UBR3: variants seen among roughly 807,000 people sequenced by gnomAD.
The protein encoded by UBR3 is E3 ubiquitin-protein ligase UBR3.
A neutral mutation model predicts 243.2 loss-of-function variants in UBR3; 85 were observed. The ratio of observed to expected loss-of-function variants is 0.35; its 90% CI spans 0.29 to 0.42. The LOEUF (loss-of-function observed/expected upper bound fraction) is 0.42. Ranked by LOEUF, UBR3 falls within the 10% of genes least tolerant of loss-of-function variation. The pLI is 1.00. For synonymous variants in UBR3, 748 were observed against 799.8 expected (o/e 0.94, Z 1.09); for missense variants, 1,686 against 2,300.8 (o/e 0.73, Z 5.47).
intron 35 of UBR3, 112 bp from the exon 36 acceptor site, chr2:170,073,316 A>C: frequency 1.6e-6 from 2 of 1,232,200 alleles, no homozygotes; most frequent in Non-Finnish European, 2.3e-6. Context: ...CAGTTGACTC[A>C]GTTAAGAAAG....
At chr2:169,840,325 T>C (rs1266600792) in intron 1 of UBR3, among the ~76,000 whole-genome samples, 2 of 152,188 alleles carry the variant, frequency 1.3e-5, no homozygotes, top group Non-Finnish European at 2.9e-5. Flanking sequence ...AGCAGAGAAG[T>C]TATTTCCTTG....
intron 18 of UBR3, among the ~76,000 whole-genome samples, chr2:169,931,852 C>A (rs1168596667): frequency 6.6e-6 from 1 of 151,996 alleles, no homozygotes; most frequent in Non-Finnish European, 1.5e-5. Flanking sequence ...ACATTATACA[C>A]ATTAAAAATA....
At chr2:169,955,981 CTTTG>C (rs2087267329) in intron 23 of UBR3, among the ~76,000 whole-genome samples, 1 of 151,602 alleles carries the variant, frequency 6.6e-6, no homozygotes, top group Non-Finnish European at 1.5e-5. Context: ...GTGTGTGTTT[CTTTG>C]TTTGTCTGTG....
At chr2:169,845,410 G>C (rs1266328828) in intron 1 of UBR3, among the ~76,000 whole-genome samples, 20 of 143,476 alleles carry the variant, frequency 1.4e-4, no homozygotes, top group African/African-American at 5.1e-4. Context: ...GTGACATAGT[G>C]AGACCCCATC....
In UBR3 at chr2:169,935,305, A is replaced by T. The variant is rs749442316; in HGVS notation, c.2663+2297A>T. On this transcript the variant is annotated intron_variant, in intron 19 of 38. Transcript: ENST00000272793. The stretch of plus-strand genomic sequence containing the variant: ...CTTACCCCCCTGAGTAGCTAGGACT[A>T]CAGGTGCACACCACCATGCCTGGCT... 4.6e-5 allele frequency among the ~76,000 whole-genome samples: 7 copies of T among 152,298 alleles called. 1 individual carries two copies. Among genetic ancestry groups the T allele is most frequent in the Non-Finnish European group, 1.0e-4 (7 of 68,030 alleles).
chr2:169,873,359 C>T (rs924081467), intron 2 of UBR3, among the ~76,000 whole-genome samples: 4 of 152,048 alleles, frequency 2.6e-5, no homozygotes, highest in African/African-American at 9.7e-5. Context: ...TTCTACTTAA[C>T]AGAGTATATA....
chr2:169,979,953 G>A (rs2088641809), intron 24 of UBR3, among the ~76,000 whole-genome samples: 1 of 152,144 alleles, frequency 6.6e-6, no homozygotes, highest in African/African-American at 2.4e-5. Flanking sequence ...GAATATAACT[G>A]TATTACAGAT....
chr2:169,923,275 T>C (rs76624346), intron 11 of UBR3, among the ~76,000 whole-genome samples: 1,670 of 152,340 alleles, frequency 0.011, 18 homozygotes, highest in Non-Finnish European at 0.018. Flanking sequence ...CCTGCATTTA[T>C]ACCTCTGTTT....
chr2:169,961,595 G>C (rs530498975), intron 24 of UBR3, among the ~76,000 whole-genome samples: 1 of 152,244 alleles, frequency 6.6e-6, no homozygotes, highest in African/African-American at 2.4e-5. Context: ...TAGAATTCCA[G>C]GTTGATAAAC....
chr2:170,037,042 G>A (rs966918846), intron 31 of UBR3, among the ~76,000 whole-genome samples: 12 of 151,976 alleles, frequency 7.9e-5, no homozygotes, highest in African/African-American at 1.9e-4. Context: ...ACTATATAAC[G>A]TACTTGGAAT....
chr2:169,968,293 C>G (rs2087919734), intron 24 of UBR3, among the ~76,000 whole-genome samples: 1 of 152,022 alleles, frequency 6.6e-6, no homozygotes, highest in Non-Finnish European at 1.5e-5. Flanking sequence ...CTATCAAACA[C>G]TATTCCTTCT....
intron 31 of UBR3, among the ~76,000 whole-genome samples, chr2:170,031,111 A>G (rs1172476829): frequency 6.6e-6 from 1 of 151,736 alleles, no homozygotes; most frequent in East Asian, 1.9e-4. Flanking sequence ...CTTTATTTTT[A>G]TTATTTGTTG....
intron 11 of UBR3, among the ~76,000 whole-genome samples, chr2:169,923,480 A>G (rs12989263): frequency 0.42 from 64,381 of 152,034 alleles, 15,236 homozygotes; most frequent in Non-Finnish European, 0.54. Flanking sequence ...TAATGTGAAT[A>G]AAGTGCTTAG....
intron 24 of UBR3, among the ~76,000 whole-genome samples, chr2:169,965,925 C>T (rs2087786280): frequency 6.6e-6 from 1 of 151,988 alleles, no homozygotes; most frequent in African/African-American, 2.4e-5. Flanking sequence ...AATGTAGAAG[C>T]ATAACATACA....
intron 20 of UBR3, among the ~76,000 whole-genome samples, chr2:169,944,218 G>C (rs927465169): frequency 2.8e-4 from 42 of 152,204 alleles, no homozygotes; most frequent in Admixed American, 1.5e-3. Context: ...TTTTGTTTAA[G>C]CTAGCAAAAA....
In UBR3 at chr2:169,925,744, A is replaced by G; in HGVS notation, c.2148A>G (p.Leu716=). The part of the protein sequence containing the change: ...NSMIDPDIYL[L]QVCASRLDPD... ...TGATTGATCCTGACATTTACCTGTTACAGGTAAGCCAGCTAGATAATGCAG... is the reference window on the plus strand; with the variant it reads ...TGATTGATCCTGACATTTACCTGTTGCAGGTAAGCCAGCTAGATAATGCAG... The change falls in exon 14 of 39, where the codon TTA becomes TTG. Residue 716 remains leucine, a synonymous_variant. Coordinates refer to ENST00000272793, the MANE Select transcript of UBR3 (RefSeq NM_172070.4). 6.5e-7 allele frequency: 1 copy of G among 1,545,700 alleles called. No homozygotes were observed. The highest frequency in any genetic ancestry group is 8.7e-7 in the Non-Finnish European group (1 of 1,144,872).
intron 8 of UBR3, among the ~76,000 whole-genome samples, chr2:169,897,103 T>C (rs1352465450): frequency 6.6e-6 from 1 of 152,134 alleles, no homozygotes; most frequent in Non-Finnish European, 1.5e-5. Context: ...GTTGCCATAG[T>C]GTACATGTCA....
chr2:170,078,244 A>G (rs1402867066), intron 36 of UBR3: 1 of 453,246 alleles, frequency 2.2e-6, no homozygotes, highest in Non-Finnish European at 4.2e-6. Flanking sequence ...GGTAATCCAA[A>G]TGATATCCAT....
At chr2:169,952,705 T>A (rs1422100341) in intron 23 of UBR3, among the ~76,000 whole-genome samples, 2 of 150,860 alleles carry the variant, frequency 1.3e-5, no homozygotes, top group Non-Finnish European at 3.0e-5. Flanking sequence ...AAAAAAAAAG[T>A]TTGTTATAAA....
Sources: allele counts gnomAD v4.1 joint callset (sites outside exome capture counted in the v4.1 genomes callset), GRCh38; gene constraint gnomAD v4.1.1; transcripts MANE v1.5; gene names NCBI Gene and HGNC (gene_info 2026-07-23, HGNC 2026-07-21).